TRPC1: variants seen among roughly 807,000 people sequenced by gnomAD.
TRPC1 encodes short transient receptor potential channel 1.
A neutral mutation model predicts 88.2 loss-of-function variants in TRPC1; 42 were observed. That is an observed-to-expected ratio of 0.48 (90% confidence interval 0.37 to 0.62). The LOEUF is 0.62. Among genes scored for constraint, TRPC1 ranks in the 20% least tolerant of loss-of-function variants. TRPC1 has a pLI of 0.00. For synonymous variants in TRPC1, 288 were observed against 331.8 expected, an observed-to-expected ratio of 0.87 and a Z score of 1.43; for missense variants, 699 against 957.3, an observed-to-expected ratio of 0.73 and a Z score of 3.56.
At chr3:142,771,440 C>G (rs1471209951) in intron 4 of TRPC1, among the ~76,000 whole-genome samples, 1 of 152,086 alleles carries the variant, frequency 6.6e-6, no homozygotes, top group Admixed American at 6.6e-5. Flanking sequence ...TTCCAAAGTG[C>G]TAGGATTACA....
At position 142,804,187 on chromosome 3, in the gene TRPC1, A is replaced by G; in HGVS notation, c.1959+9A>G. The G allele has an allele frequency of 1.9e-6, 3 of 1,613,644 alleles. No individual in the cohort carries two copies. The highest frequency in any genetic ancestry group is 2.5e-6 in the Non-Finnish European group (3 of 1,179,750). ...GCTTTCAGTTGATAGCAGTAAGTTC[A>G]TTCTTTTAAAAACTTTATATTCTCC... is the stretch of plus-strand genomic sequence containing the variant. On this transcript the variant is annotated intron_variant, in intron 11 of 12. Transcript: ENST00000476941.
chr3:142,793,843 T>A (rs928262462), intron 9 of TRPC1: 2 of 984,594 alleles, frequency 2.0e-6, no homozygotes, highest in Non-Finnish European at 2.4e-6. Flanking sequence ...CAAACAGGGA[T>A]ATGAAAATAA....
chr3:142,744,449 T>TAA (rs1934466944), intron 3 of TRPC1, among the ~76,000 whole-genome samples: 1 of 152,180 alleles, frequency 6.6e-6, no homozygotes, highest in Non-Finnish European at 1.5e-5. Context: ...TGTGATCTTA[T>TAA]TTGTAGTAAT....
chr3:142,747,125 T>C (rs1022608220), intron 3 of TRPC1, among the ~76,000 whole-genome samples: 1 of 152,188 alleles, frequency 6.6e-6, no homozygotes, highest in African/African-American at 2.4e-5. Flanking sequence ...TTGGAGATAT[T>C]AATGACCACT....
chr3:142,804,431 T>C lies in TRPC1; in HGVS notation c.1960-5T>C, dbSNP rs763339024. 2.5e-6 allele frequency: 4 copies of C among 1,604,412 alleles called. No homozygotes were observed. The highest frequency in any genetic ancestry group is 3.4e-6 in the Non-Finnish European group (4 of 1,176,652). Reference sequence around the variant, plus strand: ...AGTTTGCTTTTTAATTTGCCTTTTATATAGAATCATGAAGACAAAGAATGG... The same window carrying C: ...AGTTTGCTTTTTAATTTGCCTTTTACATAGAATCATGAAGACAAAGAATGG... On this transcript the variant is annotated splice_region_variant and splice_polypyrimidine_tract_variant and intron_variant, in intron 11 of 12. Transcript: ENST00000476941.
At chr3:142,756,200 A>G (rs935615593) in intron 4 of TRPC1, among the ~76,000 whole-genome samples, 5 of 152,140 alleles carry the variant, frequency 3.3e-5, no homozygotes, top group Non-Finnish European at 2.9e-5. Flanking sequence ...TTGGCAGTGA[A>G]CATTCACTTA....
intron 4 of TRPC1, among the ~76,000 whole-genome samples, chr3:142,765,932 C>G (rs114004365): frequency 1.3e-5 from 2 of 151,278 alleles, no homozygotes; most frequent in African/African-American, 4.9e-5. Flanking sequence ...ATGTGGCCAA[C>G]AAGCATATGA....
intron 4 of TRPC1, among the ~76,000 whole-genome samples, chr3:142,754,234 AGCTGTGAT>A (rs1478779304): frequency 2.0e-5 from 3 of 152,142 alleles, no homozygotes; most frequent in African/African-American, 7.2e-5. Context: ...GTAATATAAT[AGCTGTGAT>A]TTGGTTTTAG....
At chr3:142,777,571 TA>T in intron 4 of TRPC1, 60 bp from the exon 5 acceptor site, 9 of 1,159,468 alleles carry the variant, frequency 7.8e-6, no homozygotes, top group Non-Finnish European at 9.2e-6. Context: ...AATTATAGAT[TA>T]AAATACGAAT....
intron 4 of TRPC1, among the ~76,000 whole-genome samples, chr3:142,774,922 C>T (rs1015772576): frequency 6.6e-6 from 1 of 152,140 alleles, no homozygotes; most frequent in Non-Finnish European, 1.5e-5. Flanking sequence ...TTGGAAGTTA[C>T]TCTTGCTGTG....
chr3:142,743,734 A>ATAATTAGTATTT, intron 3 of TRPC1, 148 bp downstream of exon 3: 1 of 480,260 alleles, frequency 2.1e-6, no homozygotes, highest in Non-Finnish European at 3.5e-6. Context: ...AAAAGTGGAC[A>ATAATTAGTATTT]CTTGCAGGAA....
At chr3:142,736,191 T>G (rs1382597492) in intron 1 of TRPC1, among the ~76,000 whole-genome samples, 188 bp from the exon 2 acceptor site, 1 of 151,446 alleles carries the variant, frequency 6.6e-6, no homozygotes. Flanking sequence ...CTGCTGCTGA[T>G]GTACGTATTA....
Position 142,792,749 on chromosome 3 carries a change from C to T in TRPC1, c.1438-75C>T, listed in dbSNP as rs1487478247. 5.7e-6 allele frequency: 8 copies of T among 1,398,912 alleles called. No individual in the cohort carries two copies. In the Admixed American group the frequency reaches 1.1e-4, roughly 19 times the overall value. The allele number at this position is 1,398,912 out of a possible 1,614,324, so 86.7% of individuals were successfully genotyped here. On this transcript the variant is annotated intron_variant, in intron 8 of 12. Coordinates refer to ENST00000476941, the MANE Select transcript of TRPC1 (RefSeq NM_001251845.2). The surrounding 1 kb of genome is among the most constrained non-coding windows in gnomAD (Gnocchi z 4.0). ...CAAAATTAAAATGGCTTTCTTTCAA[C>T]AGTCAGAATATTTGCTTTTATTTTC...
rs891733922 is a variant in TRPC1 at position 142,790,899 on chromosome 3, T to TG, written c.1298-120_1298-119insG. ...TCACTAAAATGTTTTTGGTTTTGTT[T>TG]TTTTTTCTTTTGAATAAGGCCCAAG... is the stretch of plus-strand genomic sequence containing the variant. On this transcript the variant is annotated intron_variant, in intron 7 of 12. Transcript: ENST00000476941. 2.6e-5 allele frequency: 24 copies of TG among 914,400 alleles called. No homozygotes were observed. The African/African-American group carries it at 3.8e-4, about 15-fold the overall frequency. 56.6% of individuals were successfully genotyped at this position (914,400 alleles called of 1,614,324 possible).
intron 2 of TRPC1, among the ~76,000 whole-genome samples, chr3:142,742,077 C>T (rs1934371900): frequency 6.6e-6 from 1 of 151,778 alleles, no homozygotes; most frequent in African/African-American, 2.4e-5. Context: ...GCAGGAGAAT[C>T]CCTTGAACCT....
chr3:142,802,353 C>A lies in TRPC1; in HGVS notation c.1757+9C>A. The A allele has an allele frequency of 7.3e-7, 1 of 1,366,722 alleles. No individual in the cohort carries two copies. The highest frequency in any genetic ancestry group is 9.5e-7 in the Non-Finnish European group (1 of 1,051,936). 84.7% of individuals were successfully genotyped at this position (1,366,722 alleles called of 1,614,324 possible). A position where few individuals can be genotyped will look rare whatever the true frequency, so the allele number is the denominator to read the frequency against. ...AATGATACCTTCCATTCGTGAGTAT[C>A]TTTTAAATGTTTTAGTAAATATATT... On this transcript the variant is annotated intron_variant, in intron 10 of 12. Coordinates refer to ENST00000476941, the MANE Select transcript of TRPC1 (RefSeq NM_001251845.2).
chr3:142,736,501 A>T lies in TRPC1; in HGVS notation c.295A>T (p.Ile99Leu). The change falls in exon 2 of 13, where the codon ATA (isoleucine) becomes TTA (leucine). Residue 99 changes from isoleucine (I) to leucine (L), a missense_variant. Ile to Leu is a conservative substitution (Grantham distance 5, BLOSUM62 2). Transcript: ENST00000476941. Reference protein sequence around the residue: ...TITIENENLDILQLLLDYGCQ... With the variant: ...TITIENENLDLLQLLLDYGCQ... ...AACTATTGAAAACGAAAACTTGGAT[A>T]TACTGCAGCTTCTTTTGGACTACGG... The T allele has an allele frequency of 1.9e-6, 3 of 1,611,158 alleles. No individual in the cohort carries two copies. Among genetic ancestry groups the T allele is most frequent in the Non-Finnish European group, 2.5e-6 (3 of 1,179,004 alleles).
chr3:142,736,194 A>G (rs1934130765), intron 1 of TRPC1, among the ~76,000 whole-genome samples, 185 bp from the exon 2 acceptor site: 1 of 151,272 alleles, frequency 6.6e-6, no homozygotes, highest in Admixed American at 6.6e-5. Context: ...CTGCTGATGT[A>G]CGTATTATTT....
chr3:142,763,983 T>TATATATATAC (rs1441314374), intron 4 of TRPC1, among the ~76,000 whole-genome samples: 2 of 74,352 alleles, frequency 2.7e-5, no homozygotes, highest in African/African-American at 1.3e-4. Context: ...TATATATATA[T>TATATATATAC]ACACATACAT....
Sources: allele counts gnomAD v4.1 joint callset (sites outside exome capture counted in the v4.1 genomes callset), GRCh38; gene constraint gnomAD v4.1.1; non-coding constraint Gnocchi (gnomAD v3.1); transcripts MANE v1.5; gene names NCBI Gene and HGNC (gene_info 2026-07-23, HGNC 2026-07-21).